Variants in PATL2 observed in about 807,000 individuals in gnomAD.
PATL2 encodes the protein protein PAT1 homolog 2.
In PATL2, 73 loss-of-function variants were observed where a neutral mutation model predicts 77.0. The ratio of observed to expected loss-of-function variants is 0.95; its 90% CI spans 0.78 to 1.15. PATL2 has a LOEUF of 1.15. Among genes scored for constraint, PATL2 ranks in the 50% most tolerant of loss-of-function variants. The pLI is 0.00. For synonymous variants in PATL2, 265 were observed against 257.1 expected, an observed-to-expected ratio of 1.03 and a Z score of -0.29; for missense variants, 618 against 655.4, an observed-to-expected ratio of 0.94 and a Z score of 0.62.
At position 44,669,797 on chromosome 15, in the gene PATL2, G is replaced by A; in HGVS notation, c.856C>T (p.Pro286Ser). Reference sequence around the variant, plus strand: ...CCCACCTGCTCTTGAGTTCCATGGGGTACCGCATCAATAGCTCGGCGAGGG... The same window carrying A: ...CCCACCTGCTCTTGAGTTCCATGGGATACCGCATCAATAGCTCGGCGAGGG... ...FSPRRAIDAVPHGTQEQDIEA... is the reference protein window; with the variant it reads ...FSPRRAIDAVSHGTQEQDIEA... The change falls in exon 11 of 18, where the codon CCC (proline) becomes TCC (serine). Residue 286 changes from proline (P) to serine (S), a missense_variant. Physicochemically the swap from Pro to Ser is moderately conservative, Grantham distance 74. Coordinates refer to ENST00000682850, the MANE Select transcript of PATL2 (RefSeq NM_001387263.1). 2.6e-6 allele frequency: 4 copies of A among 1,551,682 alleles called. No homozygotes were observed. Among genetic ancestry groups the A allele is most frequent in the Non-Finnish European group, 3.5e-6 (4 of 1,146,990 alleles).
At chr15:44,709,595 T>C (rs2086809791) in intron 3 of PATL2, among the ~76,000 whole-genome samples, 1 of 152,204 alleles carries the variant, frequency 6.6e-6, no homozygotes, top group Non-Finnish European at 1.5e-5. Context: ...AGGCAAACAG[T>C]GCTCTTGTTT....
intron 4 of PATL2, chr15:44,676,083 C>T (rs1375625647): frequency 2.5e-5 from 8 of 322,122 alleles, no homozygotes; most frequent in African/African-American, 1.7e-4. Context: ...CTTTCACATC[C>T]CCTCTTCAAT....
intron 3 of PATL2, among the ~76,000 whole-genome samples, chr15:44,699,613 C>T (rs1000160470): frequency 2.0e-5 from 3 of 152,176 alleles, no homozygotes; most frequent in Admixed American, 6.5e-5. Context: ...GCCAGGATTA[C>T]AGGTGTGAGC....
At chr15:44,668,740 C>A (rs2085509419) in intron 14 of PATL2, among the ~76,000 whole-genome samples, 1 of 152,220 alleles carries the variant, frequency 6.6e-6, no homozygotes, top group East Asian at 1.9e-4. Flanking sequence ...CTCAGACCTC[C>A]TCAGCACACT....
chr15:44,704,004 T>C (rs2086683783), intron 3 of PATL2, among the ~76,000 whole-genome samples: 1 of 151,886 alleles, frequency 6.6e-6, no homozygotes, highest in Admixed American at 6.6e-5. Flanking sequence ...GGGACTTTTT[T>C]TGAGATGGGG....
chr15:44,685,173 G>C (rs970330297), intron 3 of PATL2, among the ~76,000 whole-genome samples: 21 of 152,310 alleles, frequency 1.4e-4, no homozygotes, highest in African/African-American at 4.8e-4. Context: ...TCAACACTAT[G>C]AAGAAACTGT....
intron 3 of PATL2, among the ~76,000 whole-genome samples, chr15:44,707,610 A>G (rs935349597): frequency 6.6e-6 from 1 of 152,112 alleles, no homozygotes; most frequent in Non-Finnish European, 1.5e-5. Context: ...AATGCAAGAC[A>G]AACTCATCTT....
Position 44,672,340 on chromosome 15 carries a change from G to C in PATL2, c.515+48C>G, listed in dbSNP as rs574403927. ...GACAACTGGTCACAAGGGGAGACCC[G>C]GCATGCAAATGGGCTCCCCTCAACC... On this transcript the variant is annotated intron_variant, in intron 8 of 17. Coordinates refer to ENST00000682850, the MANE Select transcript of PATL2 (RefSeq NM_001387263.1). 53 of 1,535,746 alleles carry C rather than the reference G, an allele frequency of 3.5e-5. No homozygotes were observed. In the African/African-American group the frequency reaches 5.6e-4, roughly 16 times the overall value.
intron 9 of PATL2, among the ~76,000 whole-genome samples, chr15:44,671,640 C>T (rs1364187365): frequency 6.6e-6 from 1 of 152,156 alleles, no homozygotes; most frequent in Non-Finnish European, 1.5e-5. Flanking sequence ...CTGAATCCCA[C>T]TATTTATAAC....
intron 3 of PATL2, among the ~76,000 whole-genome samples, chr15:44,678,824 T>G (rs1478787879): frequency 6.6e-6 from 1 of 152,148 alleles, no homozygotes; most frequent in Non-Finnish European, 1.5e-5. Flanking sequence ...ATTAGAAATA[T>G]TTACATTTGC....
In PATL2 at chr15:44,666,412, C is replaced by T. The variant is rs1286837381; in HGVS notation, c.1593G>A (p.Gln531=). The change falls in exon 17 of 18, where the codon CAG becomes CAA. Residue 531 remains glutamine, a synonymous_variant. Transcript: ENST00000682850. The part of the protein sequence containing the change: ...FCHHVDKQLV[Q]QLEARMEFAW... ...CTTACTCCATCCTGGCCTCCAGCTG[C>T]TGAACCAATTGTTTGTCCACGTGGT... 2 of 1,551,730 alleles carry T rather than the reference C, an allele frequency of 1.3e-6. No individual in the cohort carries two copies. Among genetic ancestry groups the T allele is most frequent in the Non-Finnish European group, 1.7e-6 (2 of 1,147,000 alleles).
chr15:44,706,428 G>T (rs1234658232), intron 3 of PATL2, among the ~76,000 whole-genome samples: 1 of 152,068 alleles, frequency 6.6e-6, no homozygotes, highest in Non-Finnish European at 1.5e-5. Flanking sequence ...TATCTTTTTT[G>T]ATTTGAGGTT....
chr15:44,706,522 C>T (rs1185706673), intron 3 of PATL2, among the ~76,000 whole-genome samples: 1 of 152,198 alleles, frequency 6.6e-6, no homozygotes, highest in Non-Finnish European at 1.5e-5. Context: ...AGAGGCACTG[C>T]CATGGTGGTC....
rs375344716 is a variant in PATL2, at chr15:44,673,089, A to AC, written c.446+145_446+146insG. 2.1e-4 allele frequency: 237 copies of AC among 1,120,516 alleles called. 3 individuals carry two copies. In the African/African-American group the frequency reaches 3.3e-3, roughly 15 times the overall value. 69.4% of individuals were successfully genotyped at this position (1,120,516 alleles called of 1,614,324 possible). ...ATAAATTTTTAATCTCCCTGGGGCT[A>AC]ATTTGTGAGGGAGACGGAATTAGAC... On this transcript the variant is annotated intron_variant, in intron 7 of 17. Coordinates refer to ENST00000682850, the MANE Select transcript of PATL2 (RefSeq NM_001387263.1).
rs180885628 is a variant in PATL2 at position 44,705,431 on chromosome 15, T to C, written c.-76+4665A>G. Among the ~76,000 whole-genome samples, 692 of 152,300 alleles carry C rather than the reference T, an allele frequency of 4.5e-3. 8 individuals carry two copies. The highest frequency in any genetic ancestry group is 0.016 in the African/African-American group (660 of 41,554). ...TCCTGACCTCATGATCTGCCCACCT[T>C]GGCCTCCCAAAGTGCTGGGATTACA... is the stretch of plus-strand genomic sequence containing the variant. On this transcript the variant is annotated intron_variant, in intron 3 of 17. Transcript: ENST00000682850.
At chr15:44,703,305 G>A (rs1283829579) in intron 3 of PATL2, among the ~76,000 whole-genome samples, 2 of 152,054 alleles carry the variant, frequency 1.3e-5, no homozygotes, top group Non-Finnish European at 2.9e-5. Context: ...AGAGCCATTT[G>A]ATCTATAGTG....
Position 44,676,522 on chromosome 15 carries a change from G to A in PATL2, c.-32C>T, listed in dbSNP as rs759248639. On this transcript the variant is annotated 5_prime_UTR_variant, in exon 4 of 18. The change creates a new upstream start codon in the 5' untranslated region. Transcript: ENST00000682850. ...AGGCTGGTGGACTTCCTTCTTAGCC[G>A]TGTCCTCCAGTGAAACAGCATTGCC... 5.4e-5 allele frequency: 83 copies of A among 1,550,946 alleles called. No homozygotes were observed. The highest frequency in any genetic ancestry group is 1.9e-4 in the South Asian group (16 of 84,058).
intron 5 of PATL2, chr15:44,675,250 T>C (rs994432099): frequency 1.9e-6 from 1 of 518,492 alleles, no homozygotes; most frequent in Non-Finnish European, 3.4e-6. Context: ...CTGTGGGCGA[T>C]GCACAGCTCT....
chr15:44,700,264 G>A (rs1010661361), intron 3 of PATL2, among the ~76,000 whole-genome samples: 1 of 151,868 alleles, frequency 6.6e-6, no homozygotes, highest in Non-Finnish European at 1.5e-5. Context: ...AATATTATTT[G>A]TAAAATAAAT....
Sources: gnomAD v4.1 joint callset for allele counts (sites outside exome capture counted in the v4.1 genomes callset) on GRCh38, gnomAD v4.1.1 for gene constraint, MANE v1.5 for transcripts, NCBI Gene and HGNC (gene_info 2026-07-23, HGNC 2026-07-21) for gene names.